Variants in KIF9 observed in about 807,000 individuals in gnomAD.
The protein encoded by KIF9 is kinesin family member 9, also known as kinesin-like protein KIF9.
A neutral mutation model predicts 94.8 loss-of-function variants in KIF9; 68 were observed. The ratio of observed to expected loss-of-function variants is 0.72; its 90% confidence interval spans 0.59 to 0.88. The LOEUF is 0.88. Among genes scored for constraint, KIF9 ranks in the 40% least tolerant of loss-of-function variants. KIF9 has a pLI of 0.00. For missense variants in KIF9, 882 were observed against 982.5 expected (o/e 0.90, Z 1.37); for synonymous variants, 343 against 362.1 (o/e 0.95, Z 0.60).
At chr3:47,241,836 T>C (rs1486950791) in intron 16 of KIF9, among the ~76,000 whole-genome samples, 14 of 127,594 alleles carry the variant, frequency 1.1e-4, no homozygotes, top group African/African-American at 3.5e-4. Context: ...CACACACACA[T>C]ATATAAAATA....
intron 13 of KIF9, 64 bp from the exon 14 acceptor site, chr3:47,245,575 A>G (rs998484660): frequency 3.3e-5 from 41 of 1,246,634 alleles, no homozygotes; most frequent in Non-Finnish European, 4.4e-5. Flanking sequence ...TGGGGCAAGA[A>G]CCAAGTACTG....
intron 4 of KIF9, among the ~76,000 whole-genome samples, chr3:47,272,325 G>A (rs1701701495): frequency 6.6e-6 from 1 of 152,104 alleles, no homozygotes. Context: ...GATGGCTGCT[G>A]AGTATCTAAA....
chr3:47,246,344 G>T, intron 12 of KIF9, 92 bp from the exon 13 acceptor site: 1 of 998,158 alleles, frequency 1.0e-6, no homozygotes, highest in Non-Finnish European at 1.5e-6. Flanking sequence ...AGACCCCTTG[G>T]CTGACCCCTG....
intron 5 of KIF9, among the ~76,000 whole-genome samples, chr3:47,267,868 TCTC>T (rs1159506117): frequency 3.1e-4 from 47 of 150,700 alleles, no homozygotes; most frequent in African/African-American, 9.5e-4. Context: ...TATTTTGTGT[TCTC>T]CTTTTTTTTT....
At chr3:47,255,030 C>T (rs1700487508) in intron 10 of KIF9, among the ~76,000 whole-genome samples, 1 of 152,100 alleles carries the variant, frequency 6.6e-6, no homozygotes, top group Non-Finnish European at 1.5e-5. Context: ...TACAGAGCCA[C>T]AGGGACTGTC....
chr3:47,248,690 A>G (rs1278622696), intron 10 of KIF9, among the ~76,000 whole-genome samples: 1 of 151,764 alleles, frequency 6.6e-6, no homozygotes, highest in African/African-American at 2.4e-5. Flanking sequence ...TGATGCACCC[A>G]CCTCAGCCTC....
intron 20 of KIF9, among the ~76,000 whole-genome samples, chr3:47,232,131 G>A (rs576086977): frequency 6.6e-6 from 1 of 152,138 alleles, no homozygotes; most frequent in African/African-American, 2.4e-5. Context: ...GAGGGAGCTC[G>A]TTAGTTTATT....
chr3:47,269,773 T>TTC (rs1701521253), intron 5 of KIF9, among the ~76,000 whole-genome samples: 3 of 58,828 alleles, frequency 5.1e-5, no homozygotes, highest in Admixed American at 4.9e-4. Flanking sequence ...AGCTAATTTT[T>TTC]TTTTTTTTTT....
At position 47,275,422 on chromosome 3, in the gene KIF9, C is replaced by A. The variant is rs374127611; in HGVS notation, c.162G>T (p.Ser54=). 1.9e-6 allele frequency: 3 copies of A among 1,613,190 alleles called. No individual in the cohort carries two copies. The highest frequency in any genetic ancestry group is 2.2e-5 in the South Asian group (2 of 91,058). The change falls in exon 3 of 21, where the codon TCG becomes TCT. Residue 54 remains serine (S), a synonymous_variant. Transcript: ENST00000684063. ...CGTGAAGAACTCCATCCAACTTAAA[C>A]GACCAGTCTGTCTGTTGGTTATTGA... ...GVVNNQQTDW[S]FKLDGVLHDA...
Position 47,267,034 on chromosome 3 carries a change from A to T in KIF9, c.710T>A (p.Ile237Asn). 1 of 1,613,848 alleles carries T rather than the reference A, an allele frequency of 6.2e-7. No homozygotes were observed. Among genetic ancestry groups the T allele is most frequent in the East Asian group, 2.2e-5 (1 of 44,864 alleles). Residue 237 changes from isoleucine to asparagine, a missense_variant, in exon 7 of 21, where the codon ATC becomes AAC. Transcript: ENST00000684063. ...ATCCACCAAGTTAATTTTGGAAGTG[A>T]TGTACTTTTCCTCTGATAAGGTCCG... ...HSRTLSEEKY[I>N]TSKINLVDLA...
At chr3:47,255,220 C>T (rs559131389) in intron 10 of KIF9, among the ~76,000 whole-genome samples, 15 of 152,346 alleles carry the variant, frequency 9.8e-5, no homozygotes, top group Admixed American at 9.8e-4. Flanking sequence ...GTGGTTGTAT[C>T]AATTACACTT....
intron 10 of KIF9, among the ~76,000 whole-genome samples, chr3:47,256,463 G>A (rs1479550156): frequency 6.6e-6 from 1 of 151,992 alleles, no homozygotes; most frequent in African/African-American, 2.4e-5. Flanking sequence ...ACCCCGTCCG[G>A]GAGGGAGGTG....
In KIF9 at chr3:47,236,586, T is replaced by C. The variant is rs1699043066; in HGVS notation, c.1958A>G (p.Asp653Gly). 1.9e-6 allele frequency: 3 copies of C among 1,613,870 alleles called. No homozygotes were observed. The highest frequency in any genetic ancestry group is 2.5e-6 in the Non-Finnish European group (3 of 1,180,046). ...GAGGATCAGCAGGAATTCTTCCTCA[T>C]CGATGATCATCAGCCCCTTGTTTTC... ...KYENKGLMII[D>G]EEEFLLILKL... The change falls in exon 18 of 21, where the codon GAT becomes GGT. Residue 653 changes from aspartate to glycine, a missense_variant. Asp to Gly is a moderately conservative substitution (Grantham distance 94). Coordinates refer to ENST00000684063, the MANE Select transcript of KIF9 (RefSeq NM_182902.4).
intron 17 of KIF9, chr3:47,239,751 C>A: frequency 7.6e-7 from 1 of 1,323,028 alleles, no homozygotes. Flanking sequence ...CCACGCCCTG[C>A]TCCTCTGAGA....
At chr3:47,275,849 C>G (rs748295542) in intron 2 of KIF9, among the ~76,000 whole-genome samples, 2 of 152,142 alleles carry the variant, frequency 1.3e-5, no homozygotes, top group Non-Finnish European at 2.9e-5. Context: ...TTGAATTATG[C>G]CAGAGGGAAT....
Position 47,279,163 on chromosome 3 carries a change from A to G in KIF9, c.-5-1784T>C, listed in dbSNP as rs1366555066. On this transcript the variant is annotated intron_variant, in intron 1 of 20. Transcript: ENST00000684063. ...GTGACAGAGTGAGACCATATCTCAA[A>G]AAAAAAAAAAAAAAAAAAACTAACG... Among the ~76,000 whole-genome samples, 4 of 140,488 alleles carry G rather than the reference A, an allele frequency of 2.8e-5. No individual in the cohort carries two copies. In the East Asian group the frequency reaches 8.1e-4, roughly 28 times the overall value. The allele number at this position is 140,488 out of a possible 152,430, so 92.2% of individuals were successfully genotyped here. A position where few individuals can be genotyped will look rare whatever the true frequency, so the allele number is the denominator to read the frequency against.
At chr3:47,234,090 C>G (rs1019854584) in intron 20 of KIF9, among the ~76,000 whole-genome samples, 6 of 151,500 alleles carry the variant, frequency 4.0e-5, no homozygotes, top group African/African-American at 1.2e-4. Context: ...TCCCACCCCC[C>G]CCAAAAAAAA....
At position 47,228,479 on chromosome 3, in the gene KIF9, G is replaced by A. The variant is rs1698316975; in HGVS notation, c.*173C>T. 1.5e-6 allele frequency: 1 copy of A among 677,616 alleles called. No homozygotes were observed. The highest frequency in any genetic ancestry group is 2.3e-5 in the Admixed American group (1 of 43,442). 42.0% of individuals were successfully genotyped at this position (677,616 alleles called of 1,614,324 possible). On this transcript the variant is annotated 3_prime_UTR_variant, in exon 21 of 21. Coordinates refer to ENST00000684063, the MANE Select transcript of KIF9 (RefSeq NM_182902.4). The stretch of plus-strand genomic sequence containing the variant: ...AACCCAAAGTGCTCTGTGGAGATGA[G>A]CAAGGTTGTCCTTGGAGGATGCTCC...
intron 10 of KIF9, among the ~76,000 whole-genome samples, chr3:47,249,662 T>G (rs1326114314): frequency 6.6e-6 from 1 of 152,232 alleles, no homozygotes; most frequent in African/African-American, 2.4e-5. Context: ...TCCGCTGCCC[T>G]GGAATTCTCT....
Sources: allele counts gnomAD v4.1 joint callset (sites outside exome capture counted in the v4.1 genomes callset), GRCh38; gene constraint gnomAD v4.1.1; transcripts MANE v1.5; gene names NCBI Gene and HGNC (gene_info 2026-07-23, HGNC 2026-07-21).